Variants in STK39 observed in about 807,000 individuals in gnomAD.
STK39 encodes serine/threonine kinase 39.
STK39 carries 20 observed loss-of-function variants against 77.8 expected under a neutral mutation model. The ratio of observed to expected loss-of-function variants is 0.26; its 90% CI spans 0.18 to 0.37. The LOEUF is 0.37. Among genes scored for constraint, STK39 ranks in the 10% least tolerant of loss-of-function variants. The pLI, the probability that STK39 is intolerant of heterozygous loss-of-function variation, is 1.00. For missense variants in STK39, 479 were observed against 656.5 expected (o/e 0.73, Z 2.95); for synonymous variants, 246 against 234.1 (o/e 1.05, Z -0.47).
intron 1 of STK39, among the ~76,000 whole-genome samples, chr2:168,193,804 C>T (rs1689400844): frequency 6.6e-6 from 1 of 152,226 alleles, no homozygotes; most frequent in African/African-American, 2.4e-5. Context: ...GTGAGTTCTA[C>T]ATTTCTCAAG....
At chr2:168,073,429 A>C (rs983651260) in intron 12 of STK39, among the ~76,000 whole-genome samples, 1 of 152,216 alleles carries the variant, frequency 6.6e-6, no homozygotes, top group African/African-American at 2.4e-5. Context: ...ACTTTTAGTA[A>C]GAAATACTCT....
intron 16 of STK39, among the ~76,000 whole-genome samples, chr2:168,002,844 G>A (rs942561661): frequency 4.6e-5 from 7 of 152,146 alleles, no homozygotes; most frequent in Non-Finnish European, 8.8e-5. Context: ...GTTCGTGTGT[G>A]TGTGCACGTG....
chr2:168,129,175 C>T (rs1687617887), intron 10 of STK39, among the ~76,000 whole-genome samples: 1 of 152,148 alleles, frequency 6.6e-6, no homozygotes, highest in African/African-American at 2.4e-5. Context: ...TTATCTTCAT[C>T]GTTACAAACT....
At chr2:168,009,720 C>G (rs577986175) in intron 16 of STK39, among the ~76,000 whole-genome samples, 42 of 152,174 alleles carry the variant, frequency 2.8e-4, no homozygotes, top group African/African-American at 9.6e-4. Context: ...GCTACTATAT[C>G]AAAGAGTTAG....
chr2:168,048,740 T>C (rs1217413951), intron 14 of STK39, among the ~76,000 whole-genome samples: 1 of 152,194 alleles, frequency 6.6e-6, no homozygotes, highest in Non-Finnish European at 1.5e-5. Context: ...TCAGGTTCTC[T>C]AGCTACCTTC....
intron 2 of STK39, among the ~76,000 whole-genome samples, chr2:168,176,671 C>CA (rs1688963368): frequency 6.6e-6 from 1 of 151,968 alleles, no homozygotes; most frequent in African/African-American, 2.4e-5. Context: ...TGAGTTAGAC[C>CA]AAAATCCCTA....
chr2:167,996,593 A>G (rs577327204), intron 16 of STK39, among the ~76,000 whole-genome samples: 288 of 152,294 alleles, frequency 1.9e-3, no homozygotes, highest in Non-Finnish European at 3.0e-3. Flanking sequence ...CGGTGGGTCA[A>G]GTTCATGGTG....
chr2:168,180,168 G>A (rs1012895686), intron 2 of STK39, among the ~76,000 whole-genome samples: 4 of 152,140 alleles, frequency 2.6e-5, no homozygotes, highest in Non-Finnish European at 5.9e-5. Context: ...CCAACATGGC[G>A]AAACTCTGTC....
intron 16 of STK39, among the ~76,000 whole-genome samples, chr2:168,005,361 A>G (rs1470207653): frequency 6.6e-6 from 1 of 151,974 alleles, no homozygotes; most frequent in Non-Finnish European, 1.5e-5. Context: ...CTCAAAAGTC[A>G]TGTGACAATT....
chr2:168,089,063 C>T (rs1686447453), intron 10 of STK39, among the ~76,000 whole-genome samples: 1 of 152,216 alleles, frequency 6.6e-6, no homozygotes, highest in African/African-American at 2.4e-5. Flanking sequence ...CTCCCTCACA[C>T]CGGTGGTCCT....
chr2:167,958,876 T>C (rs1691858452), intron 17 of STK39, among the ~76,000 whole-genome samples: 1 of 152,230 alleles, frequency 6.6e-6, no homozygotes, highest in African/African-American at 2.4e-5. Context: ...TAAGCATCAC[T>C]GACTTATGCA....
At chr2:168,101,620 C>G (rs1173793833) in intron 10 of STK39, among the ~76,000 whole-genome samples, 2 of 151,978 alleles carry the variant, frequency 1.3e-5, no homozygotes, top group Non-Finnish European at 2.9e-5. Flanking sequence ...CACCTATAGT[C>G]CCAGCTACTC....
chr2:167,972,252 C>G (rs976262138), intron 16 of STK39, among the ~76,000 whole-genome samples: 21 of 152,184 alleles, frequency 1.4e-4, no homozygotes, highest in Admixed American at 1.1e-3. Flanking sequence ...CTGTTTATCT[C>G]TCTTGTAAAG....
intron 3 of STK39, among the ~76,000 whole-genome samples, chr2:168,165,496 A>C (rs2105593463): frequency 6.6e-6 from 1 of 152,268 alleles, no homozygotes; most frequent in African/African-American, 2.4e-5. Flanking sequence ...TCTTGTTGGC[A>C]AAGCGCAAGT....
At position 168,179,460 on chromosome 2, in the gene STK39, C is replaced by CT. The variant is rs59474270; in HGVS notation, c.321+2517dup. Among the ~76,000 whole-genome samples the CT allele has an allele frequency of 1.7e-3, 258 of 151,438 alleles. 5 individuals are homozygous for CT. In the East Asian group the frequency reaches 0.047, roughly 28 times the overall value. On this transcript the variant is annotated intron_variant, in intron 2 of 17. Transcript: ENST00000355999. Reference sequence around the variant, plus strand: ...CTAAAGAACCATAGCCATTTCCCCCCTCTCTAAATATATCAACACACCAAA... The same window carrying CT: ...CTAAAGAACCATAGCCATTTCCCCCCTTCTCTAAATATATCAACACACCAAA...
At chr2:168,149,889 T>A (rs2105554103) in intron 5 of STK39, among the ~76,000 whole-genome samples, 1 of 152,340 alleles carries the variant, frequency 6.6e-6, no homozygotes, top group African/African-American at 2.4e-5. Context: ...TATATTTACA[T>A]AAACCTACAC....
chr2:168,077,903 C>CAA (rs10707753), intron 10 of STK39, among the ~76,000 whole-genome samples: 42 of 135,590 alleles, frequency 3.1e-4, no homozygotes, highest in African/African-American at 9.7e-4. Flanking sequence ...GTTAAAACTT[C>CAA]AAAAAAAAAA....
intron 16 of STK39, among the ~76,000 whole-genome samples, chr2:168,008,111 T>C (rs997088159): frequency 6.6e-6 from 1 of 152,196 alleles, no homozygotes; most frequent in African/African-American, 2.4e-5. Flanking sequence ...TTGCCTACTC[T>C]GGACATTTCA....
At chr2:168,168,982 CA>C (rs1257371681) in intron 2 of STK39, among the ~76,000 whole-genome samples, 6 of 150,474 alleles carry the variant, frequency 4.0e-5, no homozygotes, top group East Asian at 3.9e-4. Context: ...GATTCTGTCT[CA>C]AAAAAAAATT....
Sources: allele counts gnomAD v4.1 joint callset (sites outside exome capture counted in the v4.1 genomes callset), GRCh38; gene constraint gnomAD v4.1.1; transcripts MANE v1.5; gene names NCBI Gene and HGNC (gene_info 2026-07-23, HGNC 2026-07-21).